Variants in PFKM observed in about 807,000 individuals in gnomAD.
PFKM encodes the protein phosphofructokinase, muscle, also known as ATP-dependent 6-phosphofructokinase, muscle type.
PFKM carries 58 observed loss-of-function variants against 95.5 expected under a neutral mutation model. That is an observed-to-expected ratio of 0.61 (90% CI 0.49 to 0.76). PFKM has a LOEUF of 0.76. Among genes scored for constraint, PFKM ranks in the 30% least tolerant of loss-of-function variants. PFKM has a pLI of 0.00. For synonymous variants in PFKM, 336 were observed against 357.2 expected, an observed-to-expected ratio of 0.94 and a Z score of 0.67; for missense variants, 678 against 1,005.4, an observed-to-expected ratio of 0.67 and a Z score of 4.40.
chr12:48,145,689 C>A lies in PFKM; in HGVS notation c.2324C>A (p.Ser775Tyr). 6.2e-7 allele frequency: 1 copy of A among 1,614,168 alleles called. No individual in the cohort carries two copies. ...AHLEHITRKRSGEAAV is the reference protein window; with the variant it reads ...AHLEHITRKRYGEAAV ...CTGGAGCACATCACCCGGAAGCGGT[C>A]CGGGGAAGCTGCCGTCTAAACCTCT... Residue 775 changes from serine (S) to tyrosine (Y), a missense_variant, in exon 23 of 23, where the codon TCC becomes TAC. Ser to Tyr is a moderately radical substitution (Grantham distance 144, BLOSUM62 -2). Transcript: ENST00000359794. This position sits in a 1 kb window ranked among gnomAD's most constrained non-coding sequence, Gnocchi z 4.3.
rs756489697 is a variant in PFKM, at chr12:48,146,102, G to A, written c.*394G>A. On this transcript the variant is annotated 3_prime_UTR_variant, in exon 23 of 23. Coordinates refer to ENST00000359794, the MANE Select transcript of PFKM (RefSeq NM_000289.6). ...CACTAATAAATGCCAACTGGTCACT[G>A]TGCTTTTGCTTCTCCTGTTATCATC... The A allele has an allele frequency of 7.7e-6, 2 of 260,128 alleles. No homozygotes were observed. Among genetic ancestry groups the A allele is most frequent in the Non-Finnish European group, 1.5e-5 (2 of 132,000 alleles). The allele number at this position is 260,128 out of a possible 1,614,324, so 16.1% of individuals were successfully genotyped here.
chr12:48,139,700 G>A, intron 12 of PFKM, 149 bp from the exon 13 acceptor site: 1 of 709,808 alleles, frequency 1.4e-6, no homozygotes, highest in Non-Finnish European at 2.6e-6. Context: ...TGCAGCCCCT[G>A]CCCTGTCCCT....
chr12:48,114,174 A>G (rs1200419850), intron 3 of PFKM, among the ~76,000 whole-genome samples: 1 of 152,192 alleles, frequency 6.6e-6, no homozygotes, highest in Admixed American at 6.5e-5. Context: ...TGGGCTAGAG[A>G]AAAAACTTTC....
At chr12:48,106,706 G>GCAAACAAACAAA (rs60225572) in intron 1 of PFKM, among the ~76,000 whole-genome samples, 3 of 151,034 alleles carry the variant, frequency 2.0e-5, no homozygotes, top group Non-Finnish European at 4.4e-5. Context: ...CATTCAGCAA[G>GCAAACAAACAAA]CAAACAAACA....
At chr12:48,119,999 G>A (rs1209719931) in intron 1 of PFKM, 2 of 152,158 alleles carry the variant, frequency 1.3e-5, no homozygotes, top group Non-Finnish European at 2.9e-5. Context: ...GGGTGGAAGA[G>A]CTCTGTGTGG....
intron 10 of PFKM, chr12:48,137,506 G>T: frequency 1.7e-6 from 1 of 599,366 alleles, no homozygotes; most frequent in Non-Finnish European, 3.0e-6. Flanking sequence ...GAAGTAAGTA[G>T]AATCTTTGGG....
intron 14 of PFKM, among the ~76,000 whole-genome samples, 183 bp downstream of exon 14, chr12:48,141,054 A>G (rs568430514): frequency 1.1e-4 from 16 of 152,304 alleles, no homozygotes; most frequent in South Asian, 2.1e-4. Flanking sequence ...GCAGTGAACC[A>G]TTGCAAACAA....
rs1458356845 is a variant in PFKM at position 48,142,809 on chromosome 12, G to A, written c.1681G>A (p.Ala561Thr). ...CTGTGACCGCATCAAGCAGTCAGCA[G>A]CTGGCACCAAGCGTCGGGTGTTTAT... ...TTCDRIKQSA[A>T]GTKRRVFIIE... Residue 561 changes from alanine to threonine, a missense_variant, in exon 18 of 23, where the codon GCT becomes ACT. By Grantham distance (58) the Ala-to-Thr change is moderately conservative. Transcript: ENST00000359794. 1 of 1,614,186 alleles carries A rather than the reference G, an allele frequency of 6.2e-7. No individual in the cohort carries two copies. Among genetic ancestry groups the A allele is most frequent in the South Asian group, 1.1e-5 (1 of 91,078 alleles).
chr12:48,142,822 G>A lies in PFKM; in HGVS notation c.1694G>A (p.Arg565His). The change falls in exon 18 of 23, where the codon CGT (arginine) becomes CAT (histidine). Residue 565 changes from arginine to histidine, a missense_variant. Arg to His is a conservative substitution (Grantham distance 29, BLOSUM62 0). Transcript: ENST00000359794. ...RIKQSAAGTK[R>H]RVFIIETMGG... ...AAGCAGTCAGCAGCTGGCACCAAGC[G>A]TCGGGTGTTTATCATTGAGACTATG... The A allele has an allele frequency of 6.2e-7, 1 of 1,614,120 alleles. No homozygotes were observed. The highest frequency in any genetic ancestry group is 8.5e-7 in the Non-Finnish European group (1 of 1,180,004).
chr12:48,138,289 G>A (rs896237994), intron 11 of PFKM, among the ~76,000 whole-genome samples: 5 of 152,174 alleles, frequency 3.3e-5, no homozygotes, highest in South Asian at 2.1e-4. Flanking sequence ...TAACGTTGAG[G>A]GTTATTGTAA....
At position 48,137,807 on chromosome 12, in the gene PFKM, C is replaced by T. The variant is rs2135957291; in HGVS notation, c.1023C>T (p.Asn341=). 2 of 1,614,076 alleles carry T rather than the reference C, an allele frequency of 1.2e-6. No homozygotes were observed. Among genetic ancestry groups the T allele is most frequent in the Non-Finnish European group, 8.5e-7 (1 of 1,179,944 alleles). The change falls in exon 11 of 23, where the codon AAC becomes AAT. Residue 341 remains asparagine (N), a synonymous_variant. Coordinates refer to ENST00000359794, the MANE Select transcript of PFKM (RefSeq NM_000289.6). ...CCTGTGTAGTGAGCCTCTCTGGTAA[C>T]CAGGCTGTGCGCCTGCCCCTCATGG... ...TPACVVSLSG[N]QAVRLPLMEC...
chr12:48,122,600 G>C, intron 1 of PFKM, 167 bp from the exon 2 acceptor site: 1 of 1,470,478 alleles, frequency 6.8e-7, no homozygotes, highest in Non-Finnish European at 9.0e-7. Context: ...CTACAAGGGT[G>C]TGGCTTTCCT....
chr12:48,128,247 C>T (rs1024550814), intron 2 of PFKM, among the ~76,000 whole-genome samples: 3 of 149,580 alleles, frequency 2.0e-5, no homozygotes, highest in Admixed American at 6.8e-5. Context: ...GTCCCTGTTT[C>T]GACTGTACTT....
At position 48,145,537 on chromosome 12, in the gene PFKM, A is replaced by G; in HGVS notation, c.2199-27A>G. ...GTTGATTGGGGTGCTAAAAGATTAT[A>G]TCATCATCTACCTCATTCCTCTGTA... On this transcript the variant is annotated intron_variant, in intron 22 of 22. Transcript: ENST00000359794. This position sits in a 1 kb window ranked among gnomAD's most constrained non-coding sequence, Gnocchi z 4.3. 6.2e-7 allele frequency: 1 copy of G among 1,613,298 alleles called. No homozygotes were observed. Among genetic ancestry groups the G allele is most frequent in the East Asian group, 2.2e-5 (1 of 44,878 alleles).
intron 9 of PFKM, 103 bp from the exon 10 acceptor site, chr12:48,135,188 C>T: frequency 1.7e-6 from 2 of 1,193,150 alleles, no homozygotes; most frequent in African/African-American, 1.5e-5. Flanking sequence ...AGAACCATTA[C>T]AAGACAAGAG....
rs980862194 is a variant in PFKM, at chr12:48,137,927, G to A, written c.1062+81G>A. 4 of 1,479,558 alleles carry A rather than the reference G, an allele frequency of 2.7e-6. 1 individual carries two copies. In the South Asian group the frequency reaches 4.5e-5, roughly 17 times the overall value. The allele number at this position is 1,479,558 out of a possible 1,614,324, so 91.7% of individuals were successfully genotyped here. A position where few individuals can be genotyped will look rare whatever the true frequency, so the allele number is the denominator to read the frequency against. On this transcript the variant is annotated intron_variant, in intron 11 of 22. Coordinates refer to ENST00000359794, the MANE Select transcript of PFKM (RefSeq NM_000289.6). ...TCAAGGGGCATGAGACTATGTCTAA[G>A]GCCACTGGTATAGGAGCAGGTGGAA...
chr12:48,136,957 T>C lies in PFKM; in HGVS notation c.937-764T>C, dbSNP rs370450035. 9.9e-5 allele frequency among the ~76,000 whole-genome samples: 15 copies of C among 151,982 alleles called. No homozygotes were observed. In the East Asian group the frequency reaches 1.5e-3, roughly 16 times the overall value. On this transcript the variant is annotated intron_variant, in intron 10 of 22. Coordinates refer to ENST00000359794, the MANE Select transcript of PFKM (RefSeq NM_000289.6). The stretch of plus-strand genomic sequence containing the variant: ...TTTAGTAGAGATGGGGCTTTCACCA[T>C]GTTGGCCAGGCAGGTCTTGAACTCC...
chr12:48,122,523 G>A, intron 1 of PFKM: 1 of 1,279,298 alleles, frequency 7.8e-7, no homozygotes, highest in Non-Finnish European at 1.0e-6. Flanking sequence ...TGGGGTGGGA[G>A]GGATCAGGGA....
At chr12:48,114,296 T>A (rs1452492878) in intron 3 of PFKM, among the ~76,000 whole-genome samples, 1 of 152,144 alleles carries the variant, frequency 6.6e-6, no homozygotes, top group Non-Finnish European at 1.5e-5. Flanking sequence ...TGGGGTCTGA[T>A]GAGAAAGAGC....
Sources: allele counts gnomAD v4.1 joint callset (sites outside exome capture counted in the v4.1 genomes callset), GRCh38; gene constraint gnomAD v4.1.1; non-coding constraint Gnocchi (gnomAD v3.1); transcripts MANE v1.5; gene names NCBI Gene and HGNC (gene_info 2026-07-23, HGNC 2026-07-21).